The following PTBP2 variants were observed in gnomAD, a reference collection of about 807,000 sequenced individuals.
PTBP2 encodes polypyrimidine tract-binding protein 2.
A neutral mutation model predicts 61.4 loss-of-function variants in PTBP2; 13 were observed. The ratio of observed to expected loss-of-function variants is 0.21; its 90% CI spans 0.14 to 0.34. PTBP2 has a LOEUF of 0.34. Ranked by LOEUF, PTBP2 falls within the 10% of genes least tolerant of loss-of-function variation. The probability of loss-of-function intolerance (pLI) is 1.00; values close to 1 mark genes in which losing one functional copy is unlikely to be tolerated. For synonymous variants in PTBP2, 215 were observed against 218.5 expected (o/e 0.98, Z 0.14); for missense variants, 405 against 642.6 (o/e 0.63, Z 4.00).
intron 1 of PTBP2, among the ~76,000 whole-genome samples, chr1:96,722,473 G>A (rs948116832): frequency 6.6e-6 from 1 of 151,994 alleles, no homozygotes; most frequent in Non-Finnish European, 1.5e-5. Context: ...GGGAGGAAGG[G>A]GGAGGGCAGA....
At chr1:96,791,500 A>G (rs1320624889) in intron 8 of PTBP2, among the ~76,000 whole-genome samples, 2 of 152,144 alleles carry the variant, frequency 1.3e-5, no homozygotes, top group Non-Finnish European at 2.9e-5. Flanking sequence ...ATGGCATGGT[A>G]TTTTCATGGT....
Position 96,813,080 on chromosome 1 carries a change from C to T in PTBP2, c.1440C>T (p.Gly480=). The part of the protein sequence containing the change: ...DLRTLFANTG[G]TVKAFKFFQD... ...GAACACTGTTCGCTAACACTGGGGGCACTGTGAAAGCATTTAAGTTTTTTC... is the reference window on the plus strand; with the variant it reads ...GAACACTGTTCGCTAACACTGGGGGTACTGTGAAAGCATTTAAGTTTTTTC... The change falls in exon 13 of 14, where the codon GGC becomes GGT. Residue 480 remains glycine (G), a synonymous_variant. Transcript: ENST00000674951. 17 of 1,612,876 alleles carry T rather than the reference C, an allele frequency of 1.1e-5. No individual in the cohort carries two copies. Among genetic ancestry groups the T allele is most frequent in the Non-Finnish European group, 1.4e-5 (17 of 1,179,262 alleles).
intron 8 of PTBP2, among the ~76,000 whole-genome samples, chr1:96,802,234 GAAC>G (rs201026511): frequency 2.7e-4 from 22 of 80,886 alleles, no homozygotes; most frequent in African/African-American, 7.2e-4. Flanking sequence ...AAAAAAAAAA[GAAC>G]CCACATTAAC....
chr1:96,798,929 A>G (rs1225689502), intron 8 of PTBP2, among the ~76,000 whole-genome samples: 1 of 152,242 alleles, frequency 6.6e-6, no homozygotes, highest in East Asian at 1.9e-4. Flanking sequence ...TAACAAAACC[A>G]GTTTAATTCT....
intron 3 of PTBP2, among the ~76,000 whole-genome samples, chr1:96,766,683 T>C (rs1195864857): frequency 3.3e-5 from 5 of 152,220 alleles, no homozygotes; most frequent in Admixed American, 2.6e-4. Flanking sequence ...ACTTTTATAA[T>C]ATTTGGCACT....
At chr1:96,772,827 TG>T (rs1053693723) in intron 5 of PTBP2, among the ~76,000 whole-genome samples, 4 of 151,858 alleles carry the variant, frequency 2.6e-5, no homozygotes, top group African/African-American at 9.7e-5. Flanking sequence ...AGAATAAAGC[TG>T]GGGGCTGGGC....
At chr1:96,760,416 T>C (rs954105340) in intron 3 of PTBP2, among the ~76,000 whole-genome samples, 3 of 149,328 alleles carry the variant, frequency 2.0e-5, no homozygotes, top group Non-Finnish European at 3.0e-5. Flanking sequence ...GCTGAGTATA[T>C]AACATAGTTG....
chr1:96,750,591 C>T (rs760465884), intron 2 of PTBP2, among the ~76,000 whole-genome samples: 16 of 152,064 alleles, frequency 1.1e-4, no homozygotes, highest in Middle Eastern at 3.4e-3. Context: ...TTTGATAATT[C>T]ATTGCCTCCT....
intron 8 of PTBP2, among the ~76,000 whole-genome samples, chr1:96,799,430 C>A (rs61088284): frequency 0.045 from 6,788 of 151,120 alleles, 479 homozygotes; most frequent in African/African-American, 0.15. Flanking sequence ...CGAGTAGCTG[C>A]TACTACAGGT....
intron 8 of PTBP2, among the ~76,000 whole-genome samples, chr1:96,789,095 CTT>C (rs1659510775): frequency 6.6e-6 from 1 of 151,928 alleles, no homozygotes; most frequent in Non-Finnish European, 1.5e-5. Flanking sequence ...GGGTAGATCA[CTT>C]TTAGAAAAAT....
Position 96,762,399 on chromosome 1 carries a change from A to AC in PTBP2, c.116-7297dup, listed in dbSNP as rs1189163200. ...GGGCGGCTGGCCGGGCGGGGGGCTG[A>AC]CCCCCCCACCTCCCTCCCGGATGGG... On this transcript the variant is annotated intron_variant, in intron 3 of 13. Transcript: ENST00000674951. Among the ~76,000 whole-genome samples the AC allele has an allele frequency of 2.7e-3, 334 of 124,508 alleles. 6 individuals carry two copies. The highest frequency in any genetic ancestry group is 8.5e-3 in the African/African-American group (267 of 31,292). The allele number at this position is 124,508 out of a possible 152,430, so 81.7% of individuals were successfully genotyped here.
In PTBP2 at chr1:96,752,188, C is replaced by T. The variant is rs190538336; in HGVS notation, c.115+688C>T. ...TTTTGTTTAGTTTTGCTTGAATTGA[C>T]GTGTTCTCATCTGAATGGGCCAAAT... On this transcript the variant is annotated intron_variant, in intron 3 of 13. Coordinates refer to ENST00000674951, the MANE Select transcript of PTBP2 (RefSeq NM_021190.4). Among the ~76,000 whole-genome samples, 488 of 151,922 alleles carry T rather than the reference C, an allele frequency of 3.2e-3. 3 individuals carry two copies. Among genetic ancestry groups the T allele is most frequent in the African/African-American group, 0.011 (455 of 41,442 alleles).
In PTBP2 at chr1:96,804,874, G is replaced by T; in HGVS notation, c.979G>T (p.Val327Leu). ...AAAAAAAAGR[V>L]GMPGVSAGGN... Reference sequence around the variant, plus strand: ...AGCTGCTGCAGCTGCTGCTGGCCGAGTGGGTATGCCTGGAGTCTCAGCTGG... The same window carrying T: ...AGCTGCTGCAGCTGCTGCTGGCCGATTGGGTATGCCTGGAGTCTCAGCTGG... Residue 327 changes from valine (V) to leucine (L), a missense_variant, in exon 9 of 14, where the codon GTG becomes TTG. Around this residue, in one of 4 missense-constraint regions of PTBP2, gnomAD observed 342 missense variants for 491.2 expected, o/e 0.70. Transcript: ENST00000674951. The T allele has an allele frequency of 6.2e-7, 1 of 1,612,322 alleles. No homozygotes were observed. Among genetic ancestry groups the T allele is most frequent in the Non-Finnish European group, 8.5e-7 (1 of 1,179,052 alleles).
In PTBP2 at chr1:96,785,312, A is replaced by G. The variant is rs576362565; in HGVS notation, c.904+58A>G. On this transcript the variant is annotated intron_variant, in intron 8 of 13. Transcript: ENST00000674951. ...CCATTTTGCCAAATGGAAAAGTACC[A>G]GTAAGTATAATGAATCCCCCCATTT... is the stretch of plus-strand genomic sequence containing the variant. 3.0e-6 allele frequency: 4 copies of G among 1,342,746 alleles called. No homozygotes were observed. In the Admixed American group the frequency reaches 1.1e-4, roughly 37 times the overall value. The allele number at this position is 1,342,746 out of a possible 1,614,324, so 83.2% of individuals were successfully genotyped here.
At chr1:96,806,341 A>G in intron 9 of PTBP2, 78 bp from the exon 10 acceptor site, 1 of 1,166,116 alleles carries the variant, frequency 8.6e-7, no homozygotes, top group Non-Finnish European at 1.3e-6. Flanking sequence ...TTCGTTATGG[A>G]TGATCTGTTC....
chr1:96,800,688 C>T (rs535029635), intron 8 of PTBP2, among the ~76,000 whole-genome samples: 6 of 152,294 alleles, frequency 3.9e-5, no homozygotes, highest in African/African-American at 1.4e-4. Flanking sequence ...GAGCCATGAT[C>T]ATGCCACTGC....
chr1:96,770,924 A>C, intron 5 of PTBP2, 73 bp downstream of exon 5: 1 of 1,316,664 alleles, frequency 7.6e-7, no homozygotes, highest in Non-Finnish European at 1.1e-6. Flanking sequence ...AATAGGAAGG[A>C]AATGTTTACC....
intron 3 of PTBP2, among the ~76,000 whole-genome samples, chr1:96,754,239 G>A (rs1026086796): frequency 1.8e-4 from 27 of 152,244 alleles, no homozygotes; most frequent in Admixed American, 5.2e-4. Flanking sequence ...GGCATAACTT[G>A]GCTCTACAGG....
chr1:96,795,871 C>A (rs143041683), intron 8 of PTBP2, among the ~76,000 whole-genome samples: 4 of 152,028 alleles, frequency 2.6e-5, no homozygotes, highest in Admixed American at 2.6e-4. Flanking sequence ...CTCTCAGGTT[C>A]CATGTTTGTA....
Sources: gnomAD v4.1 joint callset for allele counts (sites outside exome capture counted in the v4.1 genomes callset) on GRCh38, gnomAD v4.1.1 for gene constraint, gnomAD v4.1.1 regional missense constraint, MANE v1.5 for transcripts, NCBI Gene and HGNC (gene_info 2026-07-23, HGNC 2026-07-21) for gene names.